ATP6V0D1: variants seen among roughly 807,000 people sequenced by gnomAD.
ATP6V0D1 encodes V-type proton ATPase subunit d 1.
A neutral mutation model predicts 39.0 loss-of-function variants in ATP6V0D1; 13 were observed. The ratio of observed to expected loss-of-function variants is 0.33; its 90% CI spans 0.22 to 0.53. The LOEUF (loss-of-function observed/expected upper bound fraction) is 0.53, where lower values mean the gene tolerates loss of function less well. Among genes scored for constraint, ATP6V0D1 ranks in the 20% least tolerant of loss-of-function variants. ATP6V0D1 has a pLI of 0.94. For missense variants in ATP6V0D1, 272 were observed against 470.9 expected (o/e 0.58, Z 3.91); for synonymous variants, 191 against 191.2 (o/e 1.00, Z 0.01).
At chr16:67,461,603 T>C (rs1180443015) in intron 1 of ATP6V0D1, among the ~76,000 whole-genome samples, 1 of 152,178 alleles carries the variant, frequency 6.6e-6, no homozygotes, top group African/African-American at 2.4e-5. Context: ...AGTTACTAGG[T>C]TTCAGGTGGC....
At chr16:67,468,040 G>A (rs914594819) in intron 1 of ATP6V0D1, among the ~76,000 whole-genome samples, 16 of 152,178 alleles carry the variant, frequency 1.1e-4, no homozygotes, top group Admixed American at 2.6e-4. Flanking sequence ...TCTAACAGCC[G>A]TTAATGCAGG....
chr16:67,477,043 A>AG (rs1248255306), intron 1 of ATP6V0D1, among the ~76,000 whole-genome samples: 7 of 149,968 alleles, frequency 4.7e-5, no homozygotes, highest in South Asian at 2.1e-4. Context: ...AAAAAAAAAA[A>AG]AAGAAGTACA....
Position 67,443,117 on chromosome 16 carries a change from G to A in ATP6V0D1, c.543C>T (p.Ile181=), listed in dbSNP as rs1426482454. 6.2e-7 allele frequency: 1 copy of A among 1,613,814 alleles called. No homozygotes were observed. The highest frequency in any genetic ancestry group is 8.5e-7 in the Non-Finnish European group (1 of 1,179,984). The change falls in exon 4 of 8, where the codon ATC becomes ATT. Residue 181 remains isoleucine (I), a synonymous_variant. Coordinates refer to ENST00000290949, the MANE Select transcript of ATP6V0D1 (RefSeq NM_004691.5). ...GCATTACCTTGTAGAGGGTGTTGCG[G>A]ATGATCTCGATGTTCATCTCGTCAA... ...QDLDEMNIEI[I]RNTLYKAYLE...
rs2041129143 is a variant in ATP6V0D1 at position 67,447,380 on chromosome 16, G to A, written c.303-2674C>T. Among the ~76,000 whole-genome samples, 1 of 152,246 alleles carries A rather than the reference G, an allele frequency of 6.6e-6. No individual in the cohort carries two copies. The highest frequency in any genetic ancestry group is 1.5e-5 in the Non-Finnish European group (1 of 68,036). Reference sequence around the variant, plus strand: ...TGGCAGAGATAAGGCTGGCCCAGCAGTCTGCCTTTCTCCCAAGGCCGAGGC... The same window carrying A: ...TGGCAGAGATAAGGCTGGCCCAGCAATCTGCCTTTCTCCCAAGGCCGAGGC... On this transcript the variant is annotated intron_variant, in intron 2 of 7. Transcript: ENST00000290949. The surrounding 1 kb of genome is among the most constrained non-coding windows in gnomAD (Gnocchi z 4.1).
intron 1 of ATP6V0D1, among the ~76,000 whole-genome samples, chr16:67,470,800 A>T (rs2041366975): frequency 6.7e-6 from 1 of 148,670 alleles, no homozygotes; most frequent in Non-Finnish European, 1.5e-5. Context: ...AAGGAGCTCC[A>T]GCATCCACCC....
At position 67,456,345 on chromosome 16, in the gene ATP6V0D1, T is replaced by C. The variant is rs2041238072; in HGVS notation, c.131-2630A>G. 6.6e-6 allele frequency: 1 copy of C among 152,208 alleles called. No individual in the cohort carries two copies. The highest frequency in any genetic ancestry group is 1.5e-5 in the Non-Finnish European group (1 of 68,040). 9.4% of individuals were successfully genotyped at this position (152,208 alleles called of 1,614,324 possible). On this transcript the variant is annotated intron_variant, in intron 1 of 7. Transcript: ENST00000290949. This position sits in a 1 kb window ranked among gnomAD's most constrained non-coding sequence, Gnocchi z 4.1. ...TTGTACAAAACTGAGAGATTGTTAATGCCCCTGATGTGGTTTTTGTGGATG... is the reference window on the plus strand; with the variant it reads ...TTGTACAAAACTGAGAGATTGTTAACGCCCCTGATGTGGTTTTTGTGGATG...
Position 67,480,981 on chromosome 16 carries a change from G to A in ATP6V0D1, c.106C>T (p.Leu36=), listed in dbSNP as rs748092957. The stretch of plus-strand genomic sequence containing the variant: ...CCCTCTAGCGTCTCGCACTGCACCA[G>A]GTTGAGGTAGTCGGCCTGGCTGAGC... ...GVLSQADYLN[L]VQCETLEDLK... is the part of the protein sequence containing the mutation. Residue 36 remains leucine, a synonymous_variant, in exon 1 of 8, where the codon CTG becomes TTG. Transcript: ENST00000290949. The A allele has an allele frequency of 1.2e-5, 19 of 1,614,018 alleles. No individual in the cohort carries two copies. Among genetic ancestry groups the A allele is most frequent in the African/African-American group, 2.7e-5 (2 of 74,948 alleles).
rs747986269 is a variant in ATP6V0D1 at position 67,439,240 on chromosome 16, G to T, written c.639+34C>A. The T allele has an allele frequency of 7.4e-6, 12 of 1,614,014 alleles. No homozygotes were observed. The highest frequency in any genetic ancestry group is 9.3e-6 in the Non-Finnish European group (11 of 1,179,968). On this transcript the variant is annotated intron_variant, in intron 5 of 7. Coordinates refer to ENST00000290949, the MANE Select transcript of ATP6V0D1 (RefSeq NM_004691.5). The stretch of plus-strand genomic sequence containing the variant: ...AGCCTCCCCAGGCCAGGGCTAGCGG[G>T]CACCAGCAGGCAGGAGGGCGGGCAG...
In ATP6V0D1 at chr16:67,456,938, T is replaced by G. The variant is rs2041243813; in HGVS notation, c.131-3223A>C. 1.3e-5 allele frequency: 2 copies of G among 152,484 alleles called. No individual in the cohort carries two copies. Among genetic ancestry groups the G allele is most frequent in the African/African-American group, 2.4e-5 (1 of 41,432 alleles). 9.4% of individuals were successfully genotyped at this position (152,484 alleles called of 1,614,324 possible). A position where few individuals can be genotyped will look rare whatever the true frequency, so the allele number is the denominator to read the frequency against. On this transcript the variant is annotated intron_variant, in intron 1 of 7. Transcript: ENST00000290949. The surrounding 1 kb of genome is among the most constrained non-coding windows in gnomAD (Gnocchi z 4.1). ...AGGCTTCCCCGAGTGAGCTGTCACC[T>G]CCTACTCAGGATCCTCATGAGCTCT...
intron 1 of ATP6V0D1, among the ~76,000 whole-genome samples, chr16:67,468,859 G>A (rs780570853): frequency 1.3e-4 from 20 of 152,128 alleles, no homozygotes; most frequent in Non-Finnish European, 2.8e-4. Flanking sequence ...CGGAAACCAG[G>A]CCCAAGAAAT....
intron 2 of ATP6V0D1, among the ~76,000 whole-genome samples, chr16:67,446,359 G>A (rs2041115219): frequency 6.6e-6 from 1 of 152,176 alleles, no homozygotes; most frequent in Non-Finnish European, 1.5e-5. Context: ...CCTGGGCCTG[G>A]AGCCAGGCAA....
intron 2 of ATP6V0D1, among the ~76,000 whole-genome samples, chr16:67,450,443 G>A (rs2041165755): frequency 6.6e-6 from 1 of 152,202 alleles, no homozygotes; most frequent in Admixed American, 6.5e-5. Flanking sequence ...CACACACACT[G>A]GGGATGGCCT....
intron 2 of ATP6V0D1, chr16:67,445,865 T>C: frequency 6.6e-6 from 3 of 452,568 alleles, no homozygotes; most frequent in South Asian, 1.6e-5. Flanking sequence ...TAGGCTGCAG[T>C]AGCCACAACT....
chr16:67,444,474 A>G lies in ATP6V0D1; in HGVS notation c.481+54T>C. ...CAGCGGGTCCACAAACCCCACCCTG[A>G]TGCGCTGATGCTGACACCACTGCCC... On this transcript the variant is annotated intron_variant, in intron 3 of 7. Transcript: ENST00000290949. This position sits in a 1 kb window ranked among gnomAD's most constrained non-coding sequence, Gnocchi z 4.8. The G allele has an allele frequency of 6.5e-7, 1 of 1,534,520 alleles. No homozygotes were observed. Among genetic ancestry groups the G allele is most frequent in the South Asian group, 1.2e-5 (1 of 81,270 alleles).
chr16:67,439,478 G>C (rs997137364), intron 4 of ATP6V0D1, 127 bp from the exon 5 acceptor site: 33 of 859,142 alleles, frequency 3.8e-5, no homozygotes, highest in Non-Finnish European at 5.4e-5. Flanking sequence ...CACACCCATG[G>C]ATGGGCCGGG....
At chr16:67,462,799 G>C (rs1398936809) in intron 1 of ATP6V0D1, among the ~76,000 whole-genome samples, 13 of 150,004 alleles carry the variant, frequency 8.7e-5, no homozygotes, top group Non-Finnish European at 1.6e-4. Context: ...CTGCACTCCA[G>C]CCTGTGAGAC....
intron 2 of ATP6V0D1, chr16:67,452,520 G>GT: frequency 1.2e-6 from 1 of 863,546 alleles, no homozygotes. Flanking sequence ...AAGGAAAAGA[G>GT]TGGGGGCACC....
At chr16:67,465,674 C>T (rs1320402838) in intron 1 of ATP6V0D1, among the ~76,000 whole-genome samples, 8 of 152,226 alleles carry the variant, frequency 5.3e-5, no homozygotes, top group Non-Finnish European at 5.9e-5. Context: ...GCAGCCTGCA[C>T]TGGGCACCAA....
At chr16:67,446,496 A>G (rs2041117057) in intron 2 of ATP6V0D1, among the ~76,000 whole-genome samples, 3 of 152,194 alleles carry the variant, frequency 2.0e-5, no homozygotes, top group African/African-American at 7.2e-5. Context: ...GCAAGCCAAG[A>G]GGCCCAAATG....
Sources: gnomAD v4.1 joint callset for allele counts (sites outside exome capture counted in the v4.1 genomes callset) on GRCh38, gnomAD v4.1.1 for gene constraint, Gnocchi (gnomAD v3.1) non-coding constraint, MANE v1.5 for transcripts, NCBI Gene and HGNC (gene_info 2026-07-23, HGNC 2026-07-21) for gene names.